The following IGF2BP2 variants were observed in gnomAD, a reference collection of about 807,000 sequenced individuals.
IGF2BP2 encodes insulin-like growth factor 2 mRNA-binding protein 2.
In IGF2BP2, 17 loss-of-function variants were observed where a neutral mutation model predicts 75.8. That is an observed-to-expected ratio of 0.22 (90% CI 0.15 to 0.34). The LOEUF is 0.34. Among genes scored for constraint, IGF2BP2 ranks in the 10% least tolerant of loss-of-function variants. IGF2BP2 has a pLI of 1.00. For missense variants in IGF2BP2, 516 were observed against 772.4 expected, an observed-to-expected ratio of 0.67 and a Z score of 3.93; for synonymous variants, 288 against 295.6, an observed-to-expected ratio of 0.97 and a Z score of 0.26.
At chr3:185,823,063 A>G in intron 2 of IGF2BP2, 90 bp downstream of exon 2, 4 of 774,354 alleles carry the variant, frequency 5.2e-6, no homozygotes, top group Non-Finnish European at 8.1e-6. Context: ...TTTAAAAACT[A>G]CCAAGAGCAC....
chr3:185,805,153 T>C lies in IGF2BP2; in HGVS notation c.239+18000A>G, dbSNP rs550514574. Among the ~76,000 whole-genome samples, 20 of 152,220 alleles carry C rather than the reference T, an allele frequency of 1.3e-4. No homozygotes were observed. In the South Asian group the frequency reaches 3.5e-3, roughly 27 times the overall value. ...TCTGAGGTTCAAGTATCAATTGTAC[T>C]GGCCCAGAAGTATTTCTGAAAATCC... On this transcript the variant is annotated intron_variant, in intron 2 of 15. Transcript: ENST00000382199.
chr3:185,649,629 G>T, intron 13 of IGF2BP2, 95 bp from the exon 14 acceptor site: 1 of 1,523,150 alleles, frequency 6.6e-7, no homozygotes, highest in Non-Finnish European at 8.9e-7. Context: ...CAGACAATGG[G>T]TCAGTCCCAT....
At chr3:185,723,914 G>A (rs563252504) in intron 2 of IGF2BP2, among the ~76,000 whole-genome samples, 10 of 152,310 alleles carry the variant, frequency 6.6e-5, no homozygotes, top group East Asian at 3.9e-4. Context: ...AAACACCATC[G>A]AGCAAAGTTG....
chr3:185,659,524 C>A (rs1245982108), intron 10 of IGF2BP2, among the ~76,000 whole-genome samples: 2 of 150,946 alleles, frequency 1.3e-5, no homozygotes, highest in African/African-American at 4.9e-5. Flanking sequence ...ACAGGCACCC[C>A]CCACCACGCC....
At chr3:185,669,929 C>T (rs1718261805) in intron 10 of IGF2BP2, among the ~76,000 whole-genome samples, 1 of 152,226 alleles carries the variant, frequency 6.6e-6, no homozygotes, top group Non-Finnish European at 1.5e-5. Context: ...CCAGGTATCA[C>T]TCCAGGAATA....
At chr3:185,663,493 T>C (rs955119362) in intron 10 of IGF2BP2, among the ~76,000 whole-genome samples, 3 of 152,138 alleles carry the variant, frequency 2.0e-5, no homozygotes, top group Admixed American at 2.0e-4. Context: ...AAAACACACT[T>C]GTGAAAATTA....
At chr3:185,803,221 G>A (rs1738520967) in intron 2 of IGF2BP2, among the ~76,000 whole-genome samples, 1 of 152,118 alleles carries the variant, frequency 6.6e-6, no homozygotes, top group Admixed American at 6.5e-5. Context: ...TGTGGTGGCA[G>A]GTGCCTGTAA....
At chr3:185,689,031 G>A (rs567428690) in intron 6 of IGF2BP2, 32 of 223,470 alleles carry the variant, frequency 1.4e-4, no homozygotes, top group African/African-American at 7.1e-4. Context: ...TATGATGAGT[G>A]GGTTCTAGGA....
chr3:185,695,161 A>T (rs780866791), intron 4 of IGF2BP2, among the ~76,000 whole-genome samples: 15 of 151,972 alleles, frequency 9.9e-5, no homozygotes, highest in East Asian at 7.8e-4. Context: ...CTTATAAATC[A>T]TGTCTTCTTT....
chr3:185,727,800 T>A (rs531222075), intron 2 of IGF2BP2, among the ~76,000 whole-genome samples: 1 of 152,262 alleles, frequency 6.6e-6, no homozygotes, highest in South Asian at 2.1e-4. Context: ...AATCCCCTCA[T>A]GAGATACTGG....
intron 1 of IGF2BP2, among the ~76,000 whole-genome samples, chr3:185,824,173 CTGGGGG>C (rs1293295872): frequency 6.9e-6 from 1 of 145,860 alleles, no homozygotes; most frequent in Non-Finnish European, 1.5e-5. Flanking sequence ...AGGGCTGGGG[CTGGGGG>C]AGCCCCGAGA....
chr3:185,756,962 C>T (rs1172944582), intron 2 of IGF2BP2, among the ~76,000 whole-genome samples: 1 of 152,108 alleles, frequency 6.6e-6, no homozygotes, highest in Non-Finnish European at 1.5e-5. Context: ...GAGTGAGATC[C>T]TGTCTCTAAA....
chr3:185,680,155 A>C (rs1720159941), intron 7 of IGF2BP2, among the ~76,000 whole-genome samples: 1 of 152,238 alleles, frequency 6.6e-6, no homozygotes, highest in Admixed American at 6.5e-5. Flanking sequence ...AAAAAGGATT[A>C]TAAGAGAATA....
chr3:185,648,101 T>C (rs1713915388), intron 14 of IGF2BP2, among the ~76,000 whole-genome samples: 2 of 152,226 alleles, frequency 1.3e-5, no homozygotes, highest in Admixed American at 1.3e-4. Context: ...TTCTTTCGTA[T>C]AAAGCTGACT....
chr3:185,778,597 C>G (rs1734821949), intron 2 of IGF2BP2, among the ~76,000 whole-genome samples: 1 of 152,192 alleles, frequency 6.6e-6, no homozygotes, highest in African/African-American at 2.4e-5. Context: ...CAGCTAGTCA[C>G]AGTCTCATTA....
rs1323180687 is a variant in IGF2BP2 at position 185,803,292 on chromosome 3, A to T, written c.239+19861T>A. Among the ~76,000 whole-genome samples the T allele has an allele frequency of 3.9e-5, 6 of 152,354 alleles. No homozygotes were observed. In the East Asian group the frequency reaches 1.2e-3, roughly 29 times the overall value. On this transcript the variant is annotated intron_variant, in intron 2 of 15. Coordinates refer to ENST00000382199, the MANE Select transcript of IGF2BP2 (RefSeq NM_006548.6). The stretch of plus-strand genomic sequence containing the variant: ...CTTGAACCTGGGAGGCAGAGGTTGC[A>T]GTGAGCCGAGATCATGCTACTGCAC...
chr3:185,672,704 G>A (rs909800391), intron 9 of IGF2BP2, 35 bp from the exon 10 acceptor site: 2 of 1,613,080 alleles, frequency 1.2e-6, no homozygotes, highest in Non-Finnish European at 8.5e-7. Context: ...GATGAAGGGA[G>A]GAGACCAGAG....
chr3:185,702,656 C>T (rs1020431063), intron 2 of IGF2BP2, among the ~76,000 whole-genome samples: 2 of 152,216 alleles, frequency 1.3e-5, no homozygotes, highest in South Asian at 4.2e-4. Context: ...CCCCCTCTCC[C>T]ATCCACTCCT....
At chr3:185,763,718 C>T (rs1732677696) in intron 2 of IGF2BP2, among the ~76,000 whole-genome samples, 1 of 152,184 alleles carries the variant, frequency 6.6e-6, no homozygotes, top group Admixed American at 6.5e-5. Context: ...CTAGACTACT[C>T]TCAGCTGCAG....
Sources: allele counts gnomAD v4.1 joint callset (sites outside exome capture counted in the v4.1 genomes callset), GRCh38; gene constraint gnomAD v4.1.1; transcripts MANE v1.5; gene names NCBI Gene and HGNC (gene_info 2026-07-23, HGNC 2026-07-21).